ITPR2: variants seen among roughly 807,000 people sequenced by gnomAD.
ITPR2 encodes inositol 1,4,5-trisphosphate-gated calcium channel ITPR2.
A neutral mutation model predicts 317.1 loss-of-function variants in ITPR2; 207 were observed. That is an observed-to-expected ratio of 0.65 (90% CI 0.58 to 0.73). ITPR2 has a LOEUF of 0.73. ITPR2 is among the 30% of genes least tolerant of loss of function. The pLI is 0.00. For synonymous variants in ITPR2, 1,156 were observed against 1,149.1 expected, an observed-to-expected ratio of 1.01 and a Z score of -0.12; for missense variants, 2,613 against 3,284.0, an observed-to-expected ratio of 0.80 and a Z score of 4.99.
At position 26,515,257 on chromosome 12, in the gene ITPR2, A is replaced by G. The variant is rs182165494; in HGVS notation, c.5074-19997T>C. Among the ~76,000 whole-genome samples the G allele has an allele frequency of 4.3e-3, 660 of 152,346 alleles. 4 individuals carry two copies. Among genetic ancestry groups the G allele is most frequent in the Middle Eastern group, 0.01 (3 of 294 alleles). On this transcript the variant is annotated intron_variant, in intron 37 of 56. Transcript: ENST00000381340. The stretch of plus-strand genomic sequence containing the variant: ...AATATTAGCACCAAATTCTAATACT[A>G]AAGTTTTTCTTTAAAATAAATGAAA...
At chr12:26,403,603 G>A (rs887944287) in intron 52 of ITPR2, among the ~76,000 whole-genome samples, 1 of 152,084 alleles carries the variant, frequency 6.6e-6, no homozygotes, top group Non-Finnish European at 1.5e-5. Context: ...GGGTGACAGA[G>A]AGACTCTGTC....
intron 37 of ITPR2, among the ~76,000 whole-genome samples, chr12:26,517,507 A>ACACCAGT (rs1343595727): frequency 8.5e-5 from 13 of 152,196 alleles, no homozygotes; most frequent in Non-Finnish European, 1.9e-4. Context: ...GATAACAATT[A>ACACCAGT]CACCAGTCAG....
At chr12:26,428,191 A>T in intron 48 of ITPR2, 103 bp from the exon 49 acceptor site, 1 of 790,240 alleles carries the variant, frequency 1.3e-6, no homozygotes. Context: ...CAAAGCCATA[A>T]TCCAGTAAAT....
At chr12:26,512,109 CG>C (rs1943364404) in intron 37 of ITPR2, among the ~76,000 whole-genome samples, 2 of 151,130 alleles carry the variant, frequency 1.3e-5, no homozygotes, top group Admixed American at 1.3e-4. Context: ...ACTAAGCCAA[CG>C]GGAAAATCAA....
At chr12:26,739,086 G>A (rs1949183831) in intron 2 of ITPR2, among the ~76,000 whole-genome samples, 1 of 152,160 alleles carries the variant, frequency 6.6e-6, no homozygotes, top group African/African-American at 2.4e-5. Flanking sequence ...TTAGAGAAAT[G>A]CAAACTATGA....
intron 24 of ITPR2, chr12:26,623,222 G>A (rs1195781061): frequency 2.0e-5 from 3 of 152,140 alleles, no homozygotes; most frequent in African/African-American, 7.2e-5. Context: ...ATATGAAATG[G>A]AAAACTTCAG....
At chr12:26,635,224 T>C (rs1946841219) in intron 21 of ITPR2, among the ~76,000 whole-genome samples, 1 of 152,238 alleles carries the variant, frequency 6.6e-6, no homozygotes, top group African/African-American at 2.4e-5. Flanking sequence ...TTTACTGTGG[T>C]GATCACACTA....
chr12:26,629,436 A>G (rs1184036741), intron 22 of ITPR2, among the ~76,000 whole-genome samples: 1 of 151,906 alleles, frequency 6.6e-6, no homozygotes. Flanking sequence ...AAACACAACA[A>G]ATTAGCCAGG....
At chr12:26,699,279 T>C (rs936895766) in intron 9 of ITPR2, among the ~76,000 whole-genome samples, 1 of 152,138 alleles carries the variant, frequency 6.6e-6, no homozygotes, top group Non-Finnish European at 1.5e-5. Flanking sequence ...CCAAAGACAA[T>C]GTTACCTTCT....
intron 45 of ITPR2, among the ~76,000 whole-genome samples, chr12:26,464,345 C>G (rs1942116072): frequency 6.6e-6 from 1 of 152,210 alleles, no homozygotes; most frequent in Admixed American, 6.5e-5. Flanking sequence ...GATCATCATG[C>G]ATTAGATTCT....
chr12:26,442,625 T>G (rs898590350), intron 46 of ITPR2, among the ~76,000 whole-genome samples: 3 of 152,174 alleles, frequency 2.0e-5, no homozygotes, highest in Non-Finnish European at 2.9e-5. Context: ...GAAATGTTTT[T>G]GCTGCTAGTC....
chr12:26,696,245 G>T (rs1428433600), intron 9 of ITPR2, among the ~76,000 whole-genome samples: 1 of 152,096 alleles, frequency 6.6e-6, no homozygotes, highest in Admixed American at 6.6e-5. Context: ...TCATCTGGCT[G>T]GTTGAAATCC....
Position 26,624,333 on chromosome 12 carries a change from T to G in ITPR2, c.3088A>C (p.Ile1030Leu). Residue 1030 changes from isoleucine (I) to leucine (L), a missense_variant, in exon 24 of 57, where the codon ATT becomes CTT. By Grantham distance (5) the Ile-to-Leu change is conservative. This residue lies in a region of ITPR2 where 817 missense variants were observed against 897.6 expected (regional missense o/e 0.91). Transcript: ENST00000381340. ...PSAIVPDIDE[I>L]AAQAETMFAG... ...AACATAGTTTCTGCCTGAGCTGCAA[T>G]TTCATCTATATCAGGAACAATAGCT... 6.2e-7 allele frequency: 1 copy of G among 1,610,262 alleles called. No homozygotes were observed. The highest frequency in any genetic ancestry group is 8.5e-7 in the Non-Finnish European group (1 of 1,177,564).
intron 9 of ITPR2, among the ~76,000 whole-genome samples, chr12:26,708,951 G>C (rs573579925): frequency 1.3e-5 from 2 of 152,262 alleles, no homozygotes; most frequent in East Asian, 3.9e-4. Context: ...TTTTTAGAAA[G>C]CAAAATGATA....
intron 54 of ITPR2, among the ~76,000 whole-genome samples, chr12:26,387,798 C>T (rs1227372750): frequency 6.6e-6 from 1 of 152,162 alleles, no homozygotes; most frequent in Non-Finnish European, 1.5e-5. Context: ...TCCCAACTAA[C>T]ATTTATTTTT....
intron 2 of ITPR2, among the ~76,000 whole-genome samples, chr12:26,782,458 G>C (rs4963670): frequency 1 from 152,258 of 152,282 alleles, 76,117 homozygotes; most frequent in Middle Eastern, 1. Context: ...TAAACAAATA[G>C]TTAAAGGGCT....
intron 44 of ITPR2, 80 bp downstream of exon 44, chr12:26,476,831 CT>C (rs1349132138): frequency 2.0e-5 from 17 of 832,598 alleles, no homozygotes; most frequent in Non-Finnish European, 2.9e-5. Flanking sequence ...AATCAATCAA[CT>C]TTTTTTTCTG....
intron 24 of ITPR2, chr12:26,623,419 T>C (rs1027444917): frequency 6.6e-6 from 1 of 152,220 alleles, no homozygotes; most frequent in Non-Finnish European, 1.5e-5. Context: ...CTTACTTTAC[T>C]TAATAATGGC....
chr12:26,536,773 G>A (rs1944104475), intron 37 of ITPR2, among the ~76,000 whole-genome samples: 1 of 152,240 alleles, frequency 6.6e-6, no homozygotes, highest in Admixed American at 6.5e-5. Context: ...CCTGATGATG[G>A]CAGTGCTGAG....
Sources: gnomAD v4.1 joint callset for allele counts (sites outside exome capture counted in the v4.1 genomes callset) on GRCh38, gnomAD v4.1.1 for gene constraint, gnomAD v4.1.1 regional missense constraint, MANE v1.5 for transcripts, NCBI Gene and HGNC (gene_info 2026-07-23, HGNC 2026-07-21) for gene names.